HMGCLL1: variants seen among roughly 807,000 people sequenced by gnomAD.
HMGCLL1 encodes 3-hydroxy-3-methylglutaryl-CoA lyase like 1, also known as 3-hydroxymethyl-3-methylglutaryl-CoA lyase, cytoplasmic.
HMGCLL1 carries 36 observed loss-of-function variants against 39.1 expected under a neutral mutation model. That is an observed-to-expected ratio of 0.92 (90% CI 0.71 to 1.22). The LOEUF is 1.22. Among genes scored for constraint, HMGCLL1 ranks in the 50% most tolerant of loss-of-function variants. HMGCLL1 has a pLI of 0.00. For synonymous variants in HMGCLL1, 149 were observed against 144.0 expected, an observed-to-expected ratio of 1.03 and a Z score of -0.25; for missense variants, 451 against 416.5, an observed-to-expected ratio of 1.08 and a Z score of -0.72.
intron 7 of HMGCLL1, among the ~76,000 whole-genome samples, chr6:55,457,601 C>T (rs13193602): frequency 0.28 from 42,972 of 152,012 alleles, 7,339 homozygotes; most frequent in Non-Finnish European, 0.36. Flanking sequence ...TCTTGGGAAA[C>T]ACTGAACCAG....
chr6:55,590,537 C>A, the HMGCLL1 span, among the ~76,000 whole-genome samples: 7 of 152,024 alleles, frequency 4.6e-5, no homozygotes, highest in East Asian at 9.7e-4. Context: ...CAACAAAAGC[C>A]AAAATTGACA....
At chr6:55,669,074 G>A in the HMGCLL1 span, among the ~76,000 whole-genome samples, 1 of 150,080 alleles carries the variant, frequency 6.7e-6, no homozygotes, top group Admixed American at 6.7e-5. Flanking sequence ...AGAGCCTGTG[G>A]AAACCAGAAA....
At chr6:55,611,925 A>G in the HMGCLL1 span, among the ~76,000 whole-genome samples, 1 of 152,154 alleles carries the variant, frequency 6.6e-6, no homozygotes, top group African/African-American at 2.4e-5. Flanking sequence ...CACCACTCCT[A>G]TTCAACATAG....
the HMGCLL1 span, among the ~76,000 whole-genome samples, chr6:55,627,908 AC>A: frequency 7.5e-4 from 13 of 17,332 alleles, no homozygotes; most frequent in African/African-American, 2.1e-3. Context: ...TAGTATATAT[AC>A]TATATATATA....
At chr6:55,445,156 A>T (rs1450318961) in intron 7 of HMGCLL1, among the ~76,000 whole-genome samples, 1 of 152,190 alleles carries the variant, frequency 6.6e-6, no homozygotes, top group East Asian at 1.9e-4. Flanking sequence ...ACAGTACTTT[A>T]AAAATATTTT....
chr6:55,534,962 A>T (rs1036971960), intron 3 of HMGCLL1, among the ~76,000 whole-genome samples: 1 of 152,246 alleles, frequency 6.6e-6, no homozygotes, highest in Non-Finnish European at 1.5e-5. Context: ...AGCAATGTGG[A>T]GTCTATGGTT....
chr6:55,623,548 A>C, the HMGCLL1 span, among the ~76,000 whole-genome samples: 1 of 151,738 alleles, frequency 6.6e-6, no homozygotes, highest in Non-Finnish European at 1.5e-5. Flanking sequence ...GTGTTTATAT[A>C]CATACACATA....
In HMGCLL1 at chr6:55,435,101, T is replaced by C. The variant is rs1014327798; in HGVS notation, c.*561A>G. ...TTGGAACCAGATAAAGTCACTGAAA[T>C]AGTTAACAGATGTTAGCCATACTTG... On this transcript the variant is annotated 3_prime_UTR_variant, in exon 9 of 9. Transcript: ENST00000274901. 1 of 152,512 alleles carries C rather than the reference T, an allele frequency of 6.6e-6. No homozygotes were observed. The highest frequency in any genetic ancestry group is 1.5e-5 in the Non-Finnish European group (1 of 67,984). The allele number at this position is 152,512 out of a possible 1,614,324, so 9.4% of individuals were successfully genotyped here. A position where few individuals can be genotyped will look rare whatever the true frequency, so the allele number is the denominator to read the frequency against.
chr6:55,466,940 G>C (rs1216184746), intron 7 of HMGCLL1, among the ~76,000 whole-genome samples: 4 of 152,014 alleles, frequency 2.6e-5, no homozygotes, highest in East Asian at 3.9e-4. Flanking sequence ...TTTGGCATCA[G>C]AATGTGTTTT....
intron 1 of HMGCLL1, among the ~76,000 whole-genome samples, chr6:55,577,480 A>G (rs1235252625): frequency 6.6e-6 from 1 of 152,200 alleles, no homozygotes; most frequent in Non-Finnish European, 1.5e-5. Flanking sequence ...AGTCTTCATT[A>G]AGCTGATGAA....
chr6:55,585,517 G>A, the HMGCLL1 span, among the ~76,000 whole-genome samples: 1 of 151,952 alleles, frequency 6.6e-6, no homozygotes, highest in Admixed American at 6.6e-5. Flanking sequence ...ATCTTAATAG[G>A]TAAACTGTAT....
At chr6:55,520,864 T>C (rs1326460397) in intron 3 of HMGCLL1, among the ~76,000 whole-genome samples, 1 of 124,086 alleles carries the variant, frequency 8.1e-6, no homozygotes, top group Non-Finnish European at 1.8e-5. Context: ...TGGCAATATC[T>C]GTATATCTCT....
chr6:55,663,816 G>T, the HMGCLL1 span, among the ~76,000 whole-genome samples: 2 of 151,800 alleles, frequency 1.3e-5, no homozygotes, highest in African/African-American at 4.8e-5. Context: ...AAGTCTCTTT[G>T]TAGAGCTCTA....
At chr6:55,597,828 A>AT in the HMGCLL1 span, among the ~76,000 whole-genome samples, 7 of 152,296 alleles carry the variant, frequency 4.6e-5, no homozygotes, top group South Asian at 2.1e-4. Context: ...AACTGAATTC[A>AT]TTTTTTTGAT....
At chr6:55,565,929 A>C (rs1771189484) in intron 1 of HMGCLL1, among the ~76,000 whole-genome samples, 5 of 152,038 alleles carry the variant, frequency 3.3e-5, no homozygotes, top group Admixed American at 3.3e-4. Context: ...TTAACATTTG[A>C]CCAGGTCCAC....
chr6:55,623,245 T>A, the HMGCLL1 span, among the ~76,000 whole-genome samples: 1 of 152,014 alleles, frequency 6.6e-6, no homozygotes, highest in Non-Finnish European at 1.5e-5. Context: ...TCAATTTCAT[T>A]TATTTCTGCT....
the HMGCLL1 span, among the ~76,000 whole-genome samples, chr6:55,609,095 G>A: frequency 3.9e-5 from 6 of 152,318 alleles, no homozygotes; most frequent in East Asian, 1.9e-4. Context: ...CCACGCCACC[G>A]GGGCCTTGCG....
intron 1 of HMGCLL1, among the ~76,000 whole-genome samples, chr6:55,564,756 T>A (rs1258264416): frequency 6.6e-6 from 1 of 151,940 alleles, no homozygotes; most frequent in East Asian, 1.9e-4. Context: ...AAAGGATGCA[T>A]GTATCAGAAA....
intron 1 of HMGCLL1, among the ~76,000 whole-genome samples, chr6:55,548,983 G>C (rs1381342851): frequency 6.6e-6 from 1 of 151,504 alleles, no homozygotes; most frequent in Non-Finnish European, 1.5e-5. Context: ...AATTGATAGA[G>C]CACAAGATGC....
Sources: allele counts gnomAD v4.1 joint callset (sites outside exome capture counted in the v4.1 genomes callset), GRCh38; gene constraint gnomAD v4.1.1; transcripts MANE v1.5; gene names NCBI Gene and HGNC (gene_info 2026-07-23, HGNC 2026-07-21).